Variants in NR6A1 observed in about 807,000 individuals in gnomAD.
The protein encoded by NR6A1 is retinoic acid receptor-related testis-associated receptor.
NR6A1 carries 7 observed loss-of-function variants against 59.1 expected under a neutral mutation model. The observed-to-expected ratio is 0.12, with a 90% confidence interval of 0.07 to 0.22. The LOEUF (loss-of-function observed/expected upper bound fraction) is 0.22, where lower values mean the gene tolerates loss of function less well. NR6A1 is among the 10% of genes least tolerant of loss of function. The pLI is 1.00. For missense variants in NR6A1, 468 were observed against 611.6 expected (o/e 0.77, Z 2.48); for synonymous variants, 243 against 236.1 (o/e 1.03, Z -0.27).
At chr9:124,629,244 T>G (rs1483094580) in intron 2 of NR6A1, among the ~76,000 whole-genome samples, 2 of 152,338 alleles carry the variant, frequency 1.3e-5, no homozygotes, top group East Asian at 1.9e-4. Flanking sequence ...AAGAATTGTT[T>G]GTTATCAGGC....
At chr9:124,656,244 C>T (rs991718339) in intron 2 of NR6A1, among the ~76,000 whole-genome samples, 1 of 152,158 alleles carries the variant, frequency 6.6e-6, no homozygotes, top group African/African-American at 2.4e-5. Flanking sequence ...GAGGCCCTCA[C>T]CAGAAGCTGG....
intron 2 of NR6A1, among the ~76,000 whole-genome samples, chr9:124,693,478 T>TA (rs1360270625): frequency 2.0e-5 from 3 of 152,234 alleles, no homozygotes. Context: ...GGCGCAGTGC[T>TA]ACCTGTGAGG....
intron 2 of NR6A1, among the ~76,000 whole-genome samples, chr9:124,576,749 G>T (rs1043425361): frequency 1.3e-5 from 2 of 152,182 alleles, no homozygotes; most frequent in Non-Finnish European, 2.9e-5. Context: ...CTGGTAAATG[G>T]AGATGTGAAT....
At chr9:124,649,516 C>A (rs894816256) in intron 2 of NR6A1, among the ~76,000 whole-genome samples, 1 of 152,070 alleles carries the variant, frequency 6.6e-6, no homozygotes, top group Non-Finnish European at 1.5e-5. Flanking sequence ...CAAGAAAACA[C>A]TGGGGAAATG....
intron 2 of NR6A1, among the ~76,000 whole-genome samples, chr9:124,605,912 T>C (rs1835564703): frequency 6.6e-6 from 1 of 152,224 alleles, no homozygotes; most frequent in South Asian, 2.1e-4. Context: ...ATCTGGCTTA[T>C]TTTAGTAGCT....
At chr9:124,718,280 A>C (rs1588824942) in intron 2 of NR6A1, among the ~76,000 whole-genome samples, 2 of 152,226 alleles carry the variant, frequency 1.3e-5, no homozygotes, top group South Asian at 4.1e-4. Context: ...CATTATCAAT[A>C]GTGCTGGCTC....
intron 2 of NR6A1, among the ~76,000 whole-genome samples, chr9:124,619,285 A>G (rs1835992401): frequency 6.6e-6 from 1 of 152,190 alleles, no homozygotes; most frequent in South Asian, 2.1e-4. Flanking sequence ...TTTTTTTGAG[A>G]CAGGGTCTCC....
chr9:124,548,476 A>G (rs1361748373), intron 3 of NR6A1, among the ~76,000 whole-genome samples: 2 of 152,198 alleles, frequency 1.3e-5, no homozygotes, highest in Admixed American at 6.5e-5. Context: ...ACTTGTCTCT[A>G]CAAATTTTTT....
At chr9:124,759,772 G>A (rs1307585688) in intron 1 of NR6A1, among the ~76,000 whole-genome samples, 1 of 152,136 alleles carries the variant, frequency 6.6e-6, no homozygotes, top group African/African-American at 2.4e-5. Context: ...CAGGGGCTGT[G>A]GCTCACAGTT....
chr9:124,725,330 T>A (rs1345916379), intron 2 of NR6A1, among the ~76,000 whole-genome samples: 4 of 151,372 alleles, frequency 2.6e-5, no homozygotes, highest in Admixed American at 1.3e-4. Flanking sequence ...GCAGCCAGAG[T>A]GTGAACAGCT....
chr9:124,546,111 A>C (rs901658962), intron 3 of NR6A1, among the ~76,000 whole-genome samples: 3 of 152,332 alleles, frequency 2.0e-5, no homozygotes, highest in African/African-American at 7.2e-5. Flanking sequence ...GCAAAACTCC[A>C]TCTCAAAAAA....
At chr9:124,537,708 G>C (rs573746425) in intron 6 of NR6A1, among the ~76,000 whole-genome samples, 24 of 152,246 alleles carry the variant, frequency 1.6e-4, no homozygotes, top group African/African-American at 5.8e-4. Context: ...GAGGGGTGCA[G>C]ACAGGCTACA....
intron 2 of NR6A1, among the ~76,000 whole-genome samples, chr9:124,729,137 T>G (rs570266015): frequency 6.6e-6 from 1 of 152,170 alleles, no homozygotes. Flanking sequence ...TAGTGATGGA[T>G]CGTATCATAA....
intron 1 of NR6A1, among the ~76,000 whole-genome samples, chr9:124,736,307 C>G (rs914731586): frequency 6.6e-6 from 1 of 152,090 alleles, no homozygotes; most frequent in African/African-American, 2.4e-5. Flanking sequence ...TTGTTGTGAA[C>G]TCAAGTAAAT....
intron 1 of NR6A1, among the ~76,000 whole-genome samples, chr9:124,753,827 C>T (rs927975850): frequency 3.9e-5 from 6 of 152,154 alleles, no homozygotes; most frequent in Non-Finnish European, 7.3e-5. Flanking sequence ...CACTAAGAAC[C>T]TCCAGGGACC....
At chr9:124,704,016 G>T (rs1420734219) in intron 2 of NR6A1, among the ~76,000 whole-genome samples, 1 of 152,092 alleles carries the variant, frequency 6.6e-6, no homozygotes, top group Admixed American at 6.5e-5. Flanking sequence ...CTGGGCCTAG[G>T]CTTCTCTTTG....
chr9:124,583,714 G>A (rs1834838632), intron 2 of NR6A1, among the ~76,000 whole-genome samples: 1 of 152,128 alleles, frequency 6.6e-6, no homozygotes, highest in African/African-American at 2.4e-5. Context: ...ATGTGCTCAT[G>A]CTGCTCCTCT....
chr9:124,541,535 T>C (rs1394218060), intron 4 of NR6A1, among the ~76,000 whole-genome samples: 2 of 151,874 alleles, frequency 1.3e-5, no homozygotes, highest in African/African-American at 2.4e-5. Flanking sequence ...AAATAACAAG[T>C]GCTGGTAAGG....
chr9:124,554,625 C>A, intron 2 of NR6A1, 55 bp from the exon 3 acceptor site: 1 of 1,609,300 alleles, frequency 6.2e-7, no homozygotes, highest in South Asian at 1.1e-5. Context: ...GCCTACAGTT[C>A]CTAAAGTGAG....
Sources: allele counts gnomAD v4.1 joint callset (sites outside exome capture counted in the v4.1 genomes callset), GRCh38; gene constraint gnomAD v4.1.1; transcripts MANE v1.5; gene names NCBI Gene and HGNC (gene_info 2026-07-23, HGNC 2026-07-21).